ARHGEF4: variants seen among roughly 807,000 people sequenced by gnomAD.
ARHGEF4 encodes Rho guanine nucleotide exchange factor 4, also known as APC-stimulated guanine nucleotide exchange factor 1.
A neutral mutation model predicts 162.0 loss-of-function variants in ARHGEF4; 119 were observed. The ratio of observed to expected loss-of-function variants is 0.73; its 90% CI spans 0.63 to 0.86. The LOEUF (loss-of-function observed/expected upper bound fraction) is 0.86. Among genes scored for constraint, ARHGEF4 ranks in the 40% least tolerant of loss-of-function variants. The pLI is 0.00. For missense variants in ARHGEF4, 2,488 were observed against 2,456.0 expected (o/e 1.01, Z -0.28); for synonymous variants, 1,014 against 979.9 (o/e 1.03, Z -0.65).
At chr2:130,970,867 G>A (rs1685316113) in intron 4 of ARHGEF4, among the ~76,000 whole-genome samples, 1 of 152,148 alleles carries the variant, frequency 6.6e-6, no homozygotes, top group Non-Finnish European at 1.5e-5. Context: ...TGTGGCTTGT[G>A]TTTTACTTGC....
intron 13 of ARHGEF4, chr2:131,045,766 A>G: frequency 7.0e-7 from 1 of 1,427,250 alleles, no homozygotes; most frequent in East Asian, 2.5e-5. Context: ...CCCCATTTCT[A>G]CAGAGAGCCA....
intron 5 of ARHGEF4, among the ~76,000 whole-genome samples, chr2:131,029,251 C>T (rs937021553): frequency 1.3e-5 from 2 of 151,944 alleles, no homozygotes; most frequent in African/African-American, 2.4e-5. Context: ...CCCAGCTACT[C>T]GAGAGGCTGA....
intron 3 of ARHGEF4, among the ~76,000 whole-genome samples, chr2:130,933,626 G>T (rs940365884): frequency 3.9e-5 from 6 of 152,180 alleles, no homozygotes; most frequent in African/African-American, 1.2e-4. Context: ...AGTTTTCACT[G>T]TAAAAAGTCT....
chr2:131,028,695 C>T (rs1332883359), intron 5 of ARHGEF4, among the ~76,000 whole-genome samples: 1 of 152,204 alleles, frequency 6.6e-6, no homozygotes, highest in Non-Finnish European at 1.5e-5. Context: ...CCCTCTCTTT[C>T]TCACTCACCC....
intron 4 of ARHGEF4, among the ~76,000 whole-genome samples, chr2:130,954,113 T>C (rs1024307289): frequency 2.0e-5 from 3 of 152,354 alleles, no homozygotes; most frequent in East Asian, 1.9e-4. Context: ...TGTATGTTTA[T>C]TGCAGCACTG....
intron 2 of ARHGEF4, 104 bp from the exon 3 acceptor site, chr2:130,930,848 C>T: frequency 1.1e-5 from 12 of 1,113,476 alleles, no homozygotes; most frequent in Non-Finnish European, 1.5e-5. Flanking sequence ...TTAACCAAAA[C>T]ATAGTGTTAT....
chr2:130,854,351 G>A (rs1278661644), intron 1 of ARHGEF4, among the ~76,000 whole-genome samples: 2 of 152,100 alleles, frequency 1.3e-5, no homozygotes, highest in Non-Finnish European at 2.9e-5. Context: ...TAAATCTGAG[G>A]TCATCACGCC....
chr2:131,023,797 C>A (rs1689297919), intron 4 of ARHGEF4, among the ~76,000 whole-genome samples: 1 of 152,200 alleles, frequency 6.6e-6, no homozygotes, highest in Non-Finnish European at 1.5e-5. Flanking sequence ...TTCACACAAA[C>A]CCCTGCTGGT....
intron 3 of ARHGEF4, among the ~76,000 whole-genome samples, chr2:130,932,845 G>A (rs1483784219): frequency 1.3e-5 from 2 of 152,060 alleles, no homozygotes; most frequent in Admixed American, 6.5e-5. Flanking sequence ...TTTCCATGCG[G>A]ATATGTAGTT....
intron 1 of ARHGEF4, among the ~76,000 whole-genome samples, chr2:130,849,290 G>A (rs984539047): frequency 4.6e-5 from 7 of 152,248 alleles, no homozygotes; most frequent in Non-Finnish European, 8.8e-5. Flanking sequence ...GTCATGCCAG[G>A]GGGCAGAGAG....
chr2:130,849,765 A>G (rs1042169074), intron 1 of ARHGEF4, among the ~76,000 whole-genome samples: 6 of 152,000 alleles, frequency 3.9e-5, no homozygotes, highest in Non-Finnish European at 4.4e-5. Flanking sequence ...ACAGTGTTTC[A>G]CCACGTCCAG....
intron 4 of ARHGEF4, among the ~76,000 whole-genome samples, chr2:131,002,419 C>A (rs1363417613): frequency 1.3e-5 from 2 of 149,474 alleles, no homozygotes; most frequent in Non-Finnish European, 3.0e-5. Context: ...ACTAAAAATA[C>A]AAAAAAATTA....
chr2:130,921,595 G>A (rs756908365), intron 2 of ARHGEF4, among the ~76,000 whole-genome samples: 2 of 152,152 alleles, frequency 1.3e-5, no homozygotes, highest in Non-Finnish European at 2.9e-5. Context: ...GGTTGATACT[G>A]TCAGCCTTTT....
rs1573696557 is a variant in ARHGEF4, at chr2:131,039,240, AGAG to A, written c.4305+212_4305+214del. ...CTTCTGGTGAGCCCTCGGGGGCCAG[AGAG>A]GAGAGCAGTCGAGAAATGAGTGTGT... On this transcript the variant is annotated intron_variant, in intron 6 of 13. Transcript: ENST00000409359. 26 of 1,277,758 alleles carry A rather than the reference AGAG, an allele frequency of 2.0e-5. No homozygotes were observed. In the East Asian group the frequency reaches 6.9e-4, roughly 34 times the overall value. 79.2% of individuals were successfully genotyped at this position (1,277,758 alleles called of 1,614,324 possible). A position where few individuals can be genotyped will look rare whatever the true frequency, so the allele number is the denominator to read the frequency against.
At chr2:131,036,591 C>T (rs1409935417) in intron 5 of ARHGEF4, among the ~76,000 whole-genome samples, 4 of 152,196 alleles carry the variant, frequency 2.6e-5, no homozygotes, top group Non-Finnish European at 5.9e-5. Flanking sequence ...CCACCTATGC[C>T]GGACCCAGTC....
chr2:130,844,500 G>C (rs1471625828), intron 1 of ARHGEF4, among the ~76,000 whole-genome samples: 1 of 152,202 alleles, frequency 6.6e-6, no homozygotes, highest in Non-Finnish European at 1.5e-5. Flanking sequence ...TTGTACCACA[G>C]GGGTCGATTT....
chr2:130,853,426 C>G (rs774772131), intron 1 of ARHGEF4, among the ~76,000 whole-genome samples: 3 of 152,192 alleles, frequency 2.0e-5, no homozygotes, highest in Admixed American at 2.0e-4. Flanking sequence ...CAAGGCATCT[C>G]GTGCAGCCAC....
intron 1 of ARHGEF4, among the ~76,000 whole-genome samples, chr2:130,870,466 A>G (rs1235363720): frequency 6.6e-6 from 1 of 152,194 alleles, no homozygotes; most frequent in Non-Finnish European, 1.5e-5. Flanking sequence ...GAGAGGGGGC[A>G]GGAAGGGGCC....
chr2:130,976,814 C>T (rs934149293), intron 4 of ARHGEF4, among the ~76,000 whole-genome samples: 1 of 152,020 alleles, frequency 6.6e-6, no homozygotes, highest in African/African-American at 2.4e-5. Context: ...CAGAGGGAGG[C>T]AGTGATGTGT....
Sources: allele counts gnomAD v4.1 joint callset (sites outside exome capture counted in the v4.1 genomes callset), GRCh38; gene constraint gnomAD v4.1.1; transcripts MANE v1.5; gene names NCBI Gene and HGNC (gene_info 2026-07-23, HGNC 2026-07-21).